The following NCF4 variants were observed in gnomAD, a reference collection of about 807,000 sequenced individuals.
NCF4 encodes neutrophil cytosol factor 4.
Under a neutral mutation model 41.7 loss-of-function variants are expected in NCF4, and 30 were observed. The observed-to-expected ratio is 0.72, with a 90% CI of 0.54 to 0.97. The LOEUF (loss-of-function observed/expected upper bound fraction) is 0.97, where lower values mean the gene tolerates loss of function less well. NCF4 is among the 50% of genes least tolerant of loss of function. The pLI, the probability that NCF4 is intolerant of heterozygous loss-of-function variation, is 0.00. For synonymous variants in NCF4, 195 were observed against 175.8 expected (o/e 1.11, Z -0.87); for missense variants, 432 against 460.9 (o/e 0.94, Z 0.57).
At position 36,868,796 on chromosome 22, in the gene NCF4, C is replaced by T. The variant is rs574455403; in HGVS notation, c.342+1334C>T. Among the ~76,000 whole-genome samples, 350 of 152,272 alleles carry T rather than the reference C, an allele frequency of 2.3e-3. 1 individual carries two copies. Among genetic ancestry groups the T allele is most frequent in the Non-Finnish European group, 3.9e-3 (266 of 68,006 alleles). On this transcript the variant is annotated intron_variant, in intron 4 of 9. Transcript: ENST00000248899. ...CTGCCTCTTTGTGTCCAATTGGGTT[C>T]CTGGAAGCCAGAGATCATTCAGGGC...
chr22:36,873,426 G>T (rs115951843), intron 7 of NCF4, among the ~76,000 whole-genome samples: 472 of 151,370 alleles, frequency 3.1e-3, no homozygotes, highest in African/African-American at 0.011. Context: ...AGGTGAGGCT[G>T]GAGGTGAGGT....
intron 5 of NCF4, among the ~76,000 whole-genome samples, chr22:36,871,330 G>A (rs1431849667): frequency 6.6e-6 from 1 of 152,218 alleles, no homozygotes; most frequent in Non-Finnish European, 1.5e-5. Context: ...TCAGAGCTTG[G>A]TTGTAGGGAG....
rs34871753 is a variant in NCF4, at chr22:36,872,273, T to C, written c.529-54T>C. ...GACTAAAGTATGTAAGGCACTTCTA[T>C]AGGAACTCAGTGAGTGTTCTCTCCT... On this transcript the variant is annotated intron_variant, in intron 6 of 9. Transcript: ENST00000248899. The C allele has an allele frequency of 1.1e-3, 1,463 of 1,338,996 alleles. 18 individuals carry two copies. In the African/African-American group the frequency reaches 0.019, roughly 17 times the overall value. 82.9% of individuals were successfully genotyped at this position (1,338,996 alleles called of 1,614,324 possible). A position where few individuals can be genotyped will look rare whatever the true frequency, so the allele number is the denominator to read the frequency against.
chr22:36,862,760 G>A (rs547274295), intron 1 of NCF4, among the ~76,000 whole-genome samples: 32 of 152,330 alleles, frequency 2.1e-4, no homozygotes, highest in African/African-American at 6.3e-4. Flanking sequence ...TTCGCGCAGC[G>A]GGGACTTTCT....
Position 36,867,386 on chromosome 22 carries a change from TCTC to T in NCF4, c.272-5_272-3del. ...GCTCCTAGGACAGCTCTTTGTCTCTTCTCAGCCAAAGTCTACGTGGGTGTGAAA... is the reference window on the plus strand; with the variant it reads ...GCTCCTAGGACAGCTCTTTGTCTCTTAGCCAAAGTCTACGTGGGTGTGAAA... On this transcript the variant is annotated splice_polypyrimidine_tract_variant and splice_region_variant and intron_variant, in intron 3 of 9. Coordinates refer to ENST00000248899, the MANE Select transcript of NCF4 (RefSeq NM_000631.5). 2 of 1,614,138 alleles carry T rather than the reference TCTC, an allele frequency of 1.2e-6. No individual in the cohort carries two copies. The highest frequency in any genetic ancestry group is 1.7e-6 in the Non-Finnish European group (2 of 1,180,008).
intron 1 of NCF4, among the ~76,000 whole-genome samples, chr22:36,862,587 T>G (rs887430927): frequency 6.6e-6 from 1 of 152,182 alleles, no homozygotes; most frequent in Non-Finnish European, 1.5e-5. Flanking sequence ...CTGTCCCCTT[T>G]CAGCTGCCTT....
chr22:36,869,777 C>T (rs1028223026), intron 4 of NCF4, among the ~76,000 whole-genome samples: 2 of 152,212 alleles, frequency 1.3e-5, no homozygotes, highest in Non-Finnish European at 2.9e-5. Context: ...TCACTTAGCT[C>T]GGCTCCTCTG....
At chr22:36,870,312 G>A in intron 4 of NCF4, 103 bp from the exon 5 acceptor site, 2 of 1,510,464 alleles carry the variant, frequency 1.3e-6, no homozygotes, top group Non-Finnish European at 1.8e-6. Flanking sequence ...CATTAGTAAA[G>A]AGAGGAGGGC....
chr22:36,876,443 C>T (rs978787308), intron 9 of NCF4, among the ~76,000 whole-genome samples: 1 of 152,294 alleles, frequency 6.6e-6, no homozygotes. Flanking sequence ...AGTTATTTTA[C>T]AGAATGGTAA....
chr22:36,872,027 G>C, intron 6 of NCF4: 2 of 658,790 alleles, frequency 3.0e-6, no homozygotes, highest in South Asian at 3.4e-5. Context: ...ACTCAGACAA[G>C]GCCCAGCCCA....
At chr22:36,872,259 G>A (rs1384649930) in intron 6 of NCF4, 68 bp from the exon 7 acceptor site, 1 of 1,225,744 alleles carries the variant, frequency 8.2e-7, no homozygotes, top group Non-Finnish European at 1.2e-6. Context: ...ACTAAAGTAT[G>A]TAAGGCACTT....
intron 2 of NCF4, 144 bp from the exon 3 acceptor site, chr22:36,864,775 G>A (rs1432164516): frequency 1.1e-6 from 1 of 925,502 alleles, no homozygotes; most frequent in African/African-American, 1.7e-5. Context: ...CTTTTGACTT[G>A]ACAGGGGTCT....
intron 5 of NCF4, among the ~76,000 whole-genome samples, chr22:36,870,828 C>G (rs1940039041): frequency 6.6e-6 from 1 of 152,156 alleles, no homozygotes; most frequent in South Asian, 2.1e-4. Flanking sequence ...CCCAGAAGCT[C>G]TGGGTGCCTG....
chr22:36,871,788 T>C, intron 6 of NCF4, 79 bp downstream of exon 6: 1 of 1,439,812 alleles, frequency 6.9e-7, no homozygotes, highest in Non-Finnish European at 9.5e-7. Context: ...ACTGGGCCTC[T>C]CCTGCTGGGT....
intron 4 of NCF4, 136 bp downstream of exon 4, chr22:36,867,598 A>C: frequency 1.1e-6 from 1 of 917,830 alleles, no homozygotes; most frequent in Non-Finnish European, 1.8e-6. Context: ...TTCAATCCCT[A>C]AAGGCCTGGT....
chr22:36,876,690 C>T (rs540001359), intron 9 of NCF4, among the ~76,000 whole-genome samples: 1 of 152,320 alleles, frequency 6.6e-6, no homozygotes, highest in South Asian at 2.1e-4. Context: ...TTAACATGGC[C>T]ATGCGCTTTT....
At chr22:36,872,080 T>G (rs1187177937) in intron 6 of NCF4, 1 of 703,918 alleles carries the variant, frequency 1.4e-6, no homozygotes, top group East Asian at 2.7e-5. Flanking sequence ...GCCCAGAGAG[T>G]TCGAACCCTT....
chr22:36,870,973 C>T (rs2145717448), intron 5 of NCF4, among the ~76,000 whole-genome samples: 1 of 152,302 alleles, frequency 6.6e-6, no homozygotes, highest in African/African-American at 2.4e-5. Context: ...ATCATGCTGG[C>T]CTCCAGAGCA....
chr22:36,875,954 C>T, intron 8 of NCF4, 75 bp from the exon 9 acceptor site: 1 of 1,614,180 alleles, frequency 6.2e-7, no homozygotes, highest in Non-Finnish European at 8.5e-7. Flanking sequence ...CCTGGCCAGC[C>T]TCATTCCCCT....
Sources: allele counts gnomAD v4.1 joint callset (sites outside exome capture counted in the v4.1 genomes callset), GRCh38; gene constraint gnomAD v4.1.1; transcripts MANE v1.5; gene names NCBI Gene and HGNC (gene_info 2026-07-23, HGNC 2026-07-21).